Variants in ULK2 observed in about 807,000 individuals in gnomAD.
The protein encoded by ULK2 is unc-51 like autophagy activating kinase 2.
In ULK2, 76 loss-of-function variants were observed where a neutral mutation model predicts 127.5. The observed-to-expected ratio is 0.60, with a 90% CI of 0.50 to 0.72. The LOEUF (loss-of-function observed/expected upper bound fraction) is 0.72. ULK2 is among the 30% of genes least tolerant of loss of function. The probability of loss-of-function intolerance (pLI) is 0.00; values close to 1 mark genes in which losing one functional copy is unlikely to be tolerated. For missense variants in ULK2, 1,144 were observed against 1,295.9 expected, an observed-to-expected ratio of 0.88 and a Z score of 1.80; for synonymous variants, 452 against 461.9, an observed-to-expected ratio of 0.98 and a Z score of 0.28.
At chr17:19,795,557 G>C in intron 20 of ULK2, 65 bp downstream of exon 20, 1 of 1,265,724 alleles carries the variant, frequency 7.9e-7, no homozygotes, top group South Asian at 1.2e-5. Context: ...TGTTACAACA[G>C]CAGTAAGAAA....
At chr17:19,840,283 AC>A in intron 9 of ULK2, 1 of 526,192 alleles carries the variant, frequency 1.9e-6, no homozygotes, top group Non-Finnish European at 3.9e-6. Context: ...CAGTACAACA[AC>A]CCCAACCGCA....
At position 19,809,732 on chromosome 17, in the gene ULK2, C is replaced by CGAAA. The variant is rs750626905; in HGVS notation, c.1157+645_1157+646insTTTC. 2.3e-4 allele frequency among the ~76,000 whole-genome samples: 21 copies of CGAAA among 90,474 alleles called. 1 individual carries two copies. Among genetic ancestry groups the CGAAA allele is most frequent in the South Asian group, 7.4e-4 (2 of 2,688 alleles). 59.4% of individuals were successfully genotyped at this position (90,474 alleles called of 152,430 possible). A position where few individuals can be genotyped will look rare whatever the true frequency, so the allele number is the denominator to read the frequency against. On this transcript the variant is annotated intron_variant, in intron 14 of 26. Transcript: ENST00000395544. The stretch of plus-strand genomic sequence containing the variant: ...TGGGTGACAGGACGAGACTCCGTCT[C>CGAAA]AAAAAAAAAAAAAAAAAAAAAAATT...
At chr17:19,853,280 T>G (rs957678672) in intron 3 of ULK2, among the ~76,000 whole-genome samples, 10 of 150,704 alleles carry the variant, frequency 6.6e-5, no homozygotes, top group African/African-American at 2.4e-4. Flanking sequence ...GGACCACAGG[T>G]GTGCACCACC....
At chr17:19,812,431 G>A (rs1163381725) in intron 13 of ULK2, among the ~76,000 whole-genome samples, 1 of 152,096 alleles carries the variant, frequency 6.6e-6, no homozygotes, top group Non-Finnish European at 1.5e-5. Flanking sequence ...AATTGTCCTG[G>A]GTCAAAATGC....
At chr17:19,786,261 T>C (rs1394668572) in intron 20 of ULK2, among the ~76,000 whole-genome samples, 175 bp from the exon 21 acceptor site, 1 of 152,130 alleles carries the variant, frequency 6.6e-6, no homozygotes, top group African/African-American at 2.4e-5. Context: ...TACAATATTT[T>C]CATTAAAATA....
chr17:19,817,154 T>C (rs757611617), intron 12 of ULK2, among the ~76,000 whole-genome samples: 11 of 152,188 alleles, frequency 7.2e-5, no homozygotes, highest in East Asian at 1.9e-4. Flanking sequence ...TAAAAATATA[T>C]CGTACCACTT....
At chr17:19,785,797 T>G (rs2087016372) in intron 21 of ULK2, 140 bp downstream of exon 21, 1 of 1,046,590 alleles carries the variant, frequency 9.6e-7, no homozygotes, top group East Asian at 3.1e-5. Flanking sequence ...ATAAAGAAAA[T>G]AGTAATCTCC....
At chr17:19,854,231 T>C (rs372343477) in intron 3 of ULK2, among the ~76,000 whole-genome samples, 4 of 150,972 alleles carry the variant, frequency 2.6e-5, no homozygotes, top group African/African-American at 7.3e-5. Flanking sequence ...TGAGCCAAGA[T>C]TGCGCCACTG....
chr17:19,796,377 A>G (rs2087273078), intron 18 of ULK2, 95 bp from the exon 19 acceptor site: 1 of 1,138,352 alleles, frequency 8.8e-7, no homozygotes, highest in Non-Finnish European at 1.2e-6. Flanking sequence ...AGTAGTCAGG[A>G]GCATGTAGGA....
intron 16 of ULK2, 112 bp downstream of exon 16, chr17:19,801,665 T>A: frequency 1.4e-6 from 2 of 1,422,742 alleles, no homozygotes; most frequent in African/African-American, 1.4e-5. Flanking sequence ...TGGCCTCCAA[T>A]CAGCTGAGAA....
chr17:19,778,675 G>C (rs2152380874), intron 25 of ULK2, among the ~76,000 whole-genome samples: 2 of 152,150 alleles, frequency 1.3e-5, no homozygotes, highest in African/African-American at 4.8e-5. Context: ...GACTAATCTT[G>C]AACTCCTGAG....
intron 3 of ULK2, among the ~76,000 whole-genome samples, chr17:19,851,099 G>GGT (rs2042003905): frequency 2.0e-5 from 3 of 150,488 alleles, no homozygotes; most frequent in Admixed American, 6.6e-5. Context: ...GATCACCTGA[G>GGT]CTAAGGAGTT....
In ULK2 at chr17:19,847,556, A is replaced by AT. The variant is rs200781020; in HGVS notation, c.296-647dup. On this transcript the variant is annotated intron_variant, in intron 5 of 26. Transcript: ENST00000395544. ...AGTAGTGAGTCATTATTCCGTAAAT[A>AT]TTTTTTTTTTGAGACAAGAGTTTCA... Among the ~76,000 whole-genome samples the AT allele has an allele frequency of 3.3e-3, 496 of 150,136 alleles. 3 individuals are homozygous for AT. The highest frequency in any genetic ancestry group is 9.4e-3 in the African/African-American group (388 of 41,122).
chr17:19,842,004 G>A (rs1489006166), intron 8 of ULK2, among the ~76,000 whole-genome samples: 1 of 151,984 alleles, frequency 6.6e-6, no homozygotes, highest in African/African-American at 2.4e-5. Flanking sequence ...AAATTCAGGT[G>A]TACTTTACCT....
chr17:19,777,451 G>T, intron 26 of ULK2, 130 bp downstream of exon 26: 1 of 1,021,144 alleles, frequency 9.8e-7, no homozygotes, highest in Non-Finnish European at 1.4e-6. Context: ...CAAAGGCTGT[G>T]ATTTGCACAA....
chr17:19,822,798 T>C (rs2041188936), intron 12 of ULK2, among the ~76,000 whole-genome samples: 1 of 152,160 alleles, frequency 6.6e-6, no homozygotes, highest in African/African-American at 2.4e-5. Flanking sequence ...GCGATTCTCC[T>C]GCCTCAGCCT....
chr17:19,792,169 C>T (rs1376356070), intron 20 of ULK2, among the ~76,000 whole-genome samples: 1 of 151,786 alleles, frequency 6.6e-6, no homozygotes, highest in Non-Finnish European at 1.5e-5. Context: ...TAAAGAACTA[C>T]AAAAGCAAGA....
chr17:19,854,839 G>C (rs1019038810), intron 3 of ULK2, among the ~76,000 whole-genome samples: 3 of 152,086 alleles, frequency 2.0e-5, no homozygotes, highest in African/African-American at 7.2e-5. Context: ...GGTGGCTTAA[G>C]ACTGTAATCC....
chr17:19,848,511 G>C (rs1199749473), intron 5 of ULK2, among the ~76,000 whole-genome samples: 1 of 152,146 alleles, frequency 6.6e-6, no homozygotes, highest in African/African-American at 2.4e-5. Flanking sequence ...CCAGTGTGTG[G>C]CTCACGCCTG....
Sources: allele counts gnomAD v4.1 joint callset (sites outside exome capture counted in the v4.1 genomes callset), GRCh38; gene constraint gnomAD v4.1.1; transcripts MANE v1.5; gene names NCBI Gene and HGNC (gene_info 2026-07-23, HGNC 2026-07-21).